The following APBA1 variants were observed in gnomAD, a reference collection of about 807,000 sequenced individuals.
APBA1 encodes amyloid beta precursor protein binding family A member 1.
A neutral mutation model predicts 86.6 loss-of-function variants in APBA1; 55 were observed. The observed-to-expected ratio is 0.64, with a 90% CI of 0.51 to 0.80. The LOEUF is 0.80. Among genes scored for constraint, APBA1 ranks in the 30% least tolerant of loss-of-function variants. APBA1 has a pLI of 0.00. For synonymous variants in APBA1, 511 were observed against 493.9 expected (o/e 1.03, Z -0.46); for missense variants, 1,090 against 1,183.0 (o/e 0.92, Z 1.15).
At chr9:69,532,919 T>C (rs1356479943) in intron 1 of APBA1, among the ~76,000 whole-genome samples, 1 of 152,246 alleles carries the variant, frequency 6.6e-6, no homozygotes, top group South Asian at 2.1e-4. Context: ...TATATACTCA[T>C]ACTTCATACA....
chr9:69,487,256 T>G (rs1835626684), intron 2 of APBA1, among the ~76,000 whole-genome samples: 1 of 152,014 alleles, frequency 6.6e-6, no homozygotes, highest in South Asian at 2.1e-4. Context: ...GTGAGTTCTA[T>G]GTGGGCCATT....
chr9:69,611,868 T>C (rs1822598292), intron 1 of APBA1, among the ~76,000 whole-genome samples: 1 of 152,308 alleles, frequency 6.6e-6, no homozygotes, highest in African/African-American at 2.4e-5. Context: ...CTATATTAAC[T>C]ATATAGTAAT....
chr9:69,612,615 C>T (rs1057039250), intron 1 of APBA1, among the ~76,000 whole-genome samples: 2 of 151,866 alleles, frequency 1.3e-5, no homozygotes, highest in Admixed American at 1.3e-4. Flanking sequence ...CAGTTCAAAA[C>T]GTTTTGCTTC....
At chr9:69,609,507 T>C (rs778996966) in intron 1 of APBA1, among the ~76,000 whole-genome samples, 6 of 152,230 alleles carry the variant, frequency 3.9e-5, no homozygotes, top group Non-Finnish European at 5.9e-5. Flanking sequence ...TATTTTCCTT[T>C]ACCTCCATGA....
intron 11 of APBA1, among the ~76,000 whole-genome samples, chr9:69,440,740 C>T (rs537822871): frequency 5.3e-5 from 8 of 152,250 alleles, no homozygotes; most frequent in Non-Finnish European, 8.8e-5. Context: ...CCGGGTGAGG[C>T]GATGCCTTGT....
chr9:69,635,688 G>A (rs2134002471), intron 1 of APBA1, among the ~76,000 whole-genome samples: 1 of 152,190 alleles, frequency 6.6e-6, no homozygotes, highest in South Asian at 2.1e-4. Context: ...AAAAAAGCAG[G>A]AGTAGCTATA....
chr9:69,598,214 A>T (rs953643486), intron 1 of APBA1, among the ~76,000 whole-genome samples: 1 of 151,806 alleles, frequency 6.6e-6, no homozygotes, highest in Non-Finnish European at 1.5e-5. Context: ...ATTCTCACTC[A>T]TAGGTGGGAA....
Sources: gnomAD v4.1 joint callset for allele counts (sites outside exome capture counted in the v4.1 genomes callset) on GRCh38, gnomAD v4.1.1 for gene constraint, MANE v1.5 for transcripts, NCBI Gene and HGNC (gene_info 2026-07-23, HGNC 2026-07-21) for gene names.